CNTN6: variants seen among roughly 807,000 people sequenced by gnomAD.
CNTN6 encodes contactin 6.
CNTN6 carries 137 observed loss-of-function variants against 122.8 expected under a neutral mutation model. The ratio of observed to expected loss-of-function variants is 1.12; its 90% confidence interval spans 0.97 to 1.29. CNTN6 has a LOEUF of 1.29. Ranked by LOEUF, CNTN6 falls within the 50% of genes most tolerant of loss-of-function variation. The pLI is 0.00. For missense variants in CNTN6, 1,634 were observed against 1,223.4 expected, an observed-to-expected ratio of 1.34 and a Z score of -5.01; for synonymous variants, 570 against 426.0, an observed-to-expected ratio of 1.34 and a Z score of -4.16.
chr3:1,189,521 A>G (rs753276693), intron 2 of CNTN6, among the ~76,000 whole-genome samples: 35 of 152,214 alleles, frequency 2.3e-4, no homozygotes, highest in Non-Finnish European at 4.4e-4. Context: ...AGTGCTTACC[A>G]CATTCACTTG....
intron 7 of CNTN6, among the ~76,000 whole-genome samples, chr3:1,321,222 G>A (rs950328163): frequency 2.6e-5 from 4 of 151,684 alleles, no homozygotes; most frequent in African/African-American, 7.3e-5. Flanking sequence ...AGTCTTAAAT[G>A]TCATGTTCTC....
chr3:1,290,842 T>C (rs1695202075), intron 5 of CNTN6, among the ~76,000 whole-genome samples: 1 of 152,202 alleles, frequency 6.6e-6, no homozygotes. Context: ...CAGAGGTCAC[T>C]CTCATTGTTA....
intron 19 of CNTN6, 91 bp downstream of exon 19, chr3:1,383,499 G>A: frequency 1.1e-6 from 1 of 924,748 alleles, no homozygotes; most frequent in Admixed American, 1.9e-5. Context: ...CTAGCCTGTT[G>A]TTAGCATATG....
intron 1 of CNTN6, among the ~76,000 whole-genome samples, chr3:1,093,946 T>G (rs894685550): frequency 2.0e-5 from 3 of 152,206 alleles, no homozygotes; most frequent in Admixed American, 1.3e-4. Context: ...TATGTTTAAA[T>G]AATCAGCATC....
chr3:1,373,211 C>T (rs1029401850), intron 14 of CNTN6, among the ~76,000 whole-genome samples: 1 of 152,078 alleles, frequency 6.6e-6, no homozygotes. Context: ...GTGTCAGTAA[C>T]TAAAACTTAG....
intron 2 of CNTN6, among the ~76,000 whole-genome samples, chr3:1,161,449 TATG>T (rs1413073842): frequency 3.3e-5 from 5 of 150,940 alleles, no homozygotes; most frequent in Non-Finnish European, 7.4e-5. Context: ...TGTAATTAAT[TATG>T]ATATTATATA....
intron 5 of CNTN6, among the ~76,000 whole-genome samples, chr3:1,285,296 G>T (rs1694143212): frequency 6.6e-6 from 1 of 152,196 alleles, no homozygotes; most frequent in Non-Finnish European, 1.5e-5. Context: ...CCGAGCAACT[G>T]GAAAATGGAG....
intron 13 of CNTN6, 63 bp downstream of exon 13, chr3:1,372,537 T>C: frequency 7.8e-7 from 1 of 1,287,388 alleles, no homozygotes; most frequent in Non-Finnish European, 1.1e-6. Flanking sequence ...TGAATCACCA[T>C]TTTTCATAGT....
intron 5 of CNTN6, 79 bp downstream of exon 5, chr3:1,278,587 G>A (rs3732517): frequency 0.65 from 578,953 of 890,940 alleles, 197,887 homozygotes; most frequent in Non-Finnish European, 0.72. Context: ...CTTAGGCTCA[G>A]TGATCACCTT....
intron 20 of CNTN6, among the ~76,000 whole-genome samples, chr3:1,388,868 G>T (rs1252847941): frequency 2.8e-5 from 4 of 141,330 alleles, no homozygotes; most frequent in African/African-American, 1.1e-4. Context: ...AGAGAAAAAA[G>T]AATAAAAAGA....
intron 4 of CNTN6, among the ~76,000 whole-genome samples, chr3:1,243,667 A>G (rs1021964445): frequency 1.3e-5 from 2 of 152,192 alleles, no homozygotes; most frequent in Admixed American, 6.5e-5. Context: ...AAAGAAAAAG[A>G]AGCATTAACC....
Position 1,245,221 on chromosome 3 carries a change from T to TATAAC in CNTN6, c.358+17231_358+17232insACATA, listed in dbSNP as rs1553638990. Among the ~76,000 whole-genome samples, 13 of 18,764 alleles carry TATAAC rather than the reference T, an allele frequency of 6.9e-4. 3 individuals are homozygous for TATAAC. Among genetic ancestry groups the TATAAC allele is most frequent in the South Asian group, 2.0e-3 (1 of 488 alleles). The allele number at this position is 18,764 out of a possible 152,430, so 12.3% of individuals were successfully genotyped here. Reference sequence around the variant, plus strand: ...TGATATATATATATATATATATATATATATATATATATATACACACACACA... The same window carrying TATAAC: ...TGATATATATATATATATATATATATATAACATATATATATATATACACACACACA... On this transcript the variant is annotated intron_variant, in intron 4 of 22. Coordinates refer to ENST00000446702, the MANE Select transcript of CNTN6 (RefSeq NM_001289080.2).
chr3:1,259,708 A>C (rs763440054), intron 4 of CNTN6, among the ~76,000 whole-genome samples: 4 of 152,130 alleles, frequency 2.6e-5, no homozygotes, highest in Admixed American at 6.6e-5. Flanking sequence ...TCTGAGCCTT[A>C]ATTTTCTCAT....
At chr3:1,364,576 C>T (rs531493019) in intron 12 of CNTN6, among the ~76,000 whole-genome samples, 2 of 151,730 alleles carry the variant, frequency 1.3e-5, no homozygotes, top group African/African-American at 4.8e-5. Context: ...CATTTAACTG[C>T]CATCCCCTTG....
At chr3:1,110,152 G>C (rs1684298182) in intron 1 of CNTN6, among the ~76,000 whole-genome samples, 1 of 152,088 alleles carries the variant, frequency 6.6e-6, no homozygotes, top group Non-Finnish European at 1.5e-5. Flanking sequence ...TCAAAAGGCA[G>C]TGAACCAAGT....
chr3:1,137,552 CA>C (rs1295395825), intron 1 of CNTN6, among the ~76,000 whole-genome samples: 4 of 152,000 alleles, frequency 2.6e-5, no homozygotes, highest in African/African-American at 9.7e-5. Context: ...CCTACTTGAT[CA>C]GAAATATTAT....
At chr3:1,208,098 GATAA>G (rs1276694048) in intron 2 of CNTN6, among the ~76,000 whole-genome samples, 1 of 151,954 alleles carries the variant, frequency 6.6e-6, no homozygotes, top group African/African-American at 2.4e-5. Flanking sequence ...TCAAACGTTT[GATAA>G]ATAATCTCCT....
intron 1 of CNTN6, among the ~76,000 whole-genome samples, chr3:1,124,865 C>G (rs1035883339): frequency 1.3e-5 from 2 of 151,890 alleles, no homozygotes; most frequent in African/African-American, 4.8e-5. Flanking sequence ...ATTGCCCATG[C>G]CATAGCACTT....
rs116561766 is a variant in CNTN6, at chr3:1,139,641, T to A, written c.-82-8286T>A. The stretch of plus-strand genomic sequence containing the variant: ...GGAGTTTAATTGAACAATGAACAAT[T>A]CATCAATCAGGCAACCCCTGATTCT... On this transcript the variant is annotated intron_variant, in intron 1 of 22. Transcript: ENST00000446702. Among the ~76,000 whole-genome samples the A allele has an allele frequency of 5.0e-3, 759 of 152,236 alleles. 6 individuals carry two copies. Among genetic ancestry groups the A allele is most frequent in the African/African-American group, 0.017 (707 of 41,542 alleles).
Sources: allele counts gnomAD v4.1 joint callset (sites outside exome capture counted in the v4.1 genomes callset), GRCh38; gene constraint gnomAD v4.1.1; transcripts MANE v1.5; gene names NCBI Gene and HGNC (gene_info 2026-07-23, HGNC 2026-07-21).